The following APLF variants were observed in gnomAD, a reference collection of about 807,000 sequenced individuals.
The protein encoded by APLF is aprataxin and PNK-like factor.
In APLF, 61 loss-of-function variants were observed where a neutral mutation model predicts 55.6. The observed-to-expected ratio is 1.10, with a 90% confidence interval of 0.89 to 1.36. The LOEUF (loss-of-function observed/expected upper bound fraction) is 1.36. Ranked by LOEUF, APLF falls within the 40% of genes most tolerant of loss-of-function variation. APLF has a pLI of 0.00. For synonymous variants in APLF, 207 were observed against 214.8 expected (o/e 0.96, Z 0.32); for missense variants, 611 against 602.5 (o/e 1.01, Z -0.15).
chr2:68,577,737 A>C, intron 9 of APLF, 83 bp from the exon 10 acceptor site: 2 of 1,514,880 alleles, frequency 1.3e-6, no homozygotes, highest in Non-Finnish European at 1.8e-6. Context: ...CTCTGGATGC[A>C]GAAAGACATT....
chr2:68,514,901 T>C (rs1375700719), intron 5 of APLF, among the ~76,000 whole-genome samples: 3 of 151,902 alleles, frequency 2.0e-5, no homozygotes. Flanking sequence ...TTCCTGAATT[T>C]ACAATGATTT....
At chr2:68,551,899 T>C (rs1413719048) in intron 8 of APLF, among the ~76,000 whole-genome samples, 1 of 152,124 alleles carries the variant, frequency 6.6e-6, no homozygotes, top group East Asian at 1.9e-4. Context: ...CCACCTCTAC[T>C]TGGCAGGTAG....
intron 1 of APLF, among the ~76,000 whole-genome samples, chr2:68,472,338 A>G (rs1223393497): frequency 6.6e-6 from 1 of 152,224 alleles, no homozygotes; most frequent in African/African-American, 2.4e-5. Flanking sequence ...GTTCCAAGGT[A>G]TGGCAAAGAA....
intron 8 of APLF, among the ~76,000 whole-genome samples, chr2:68,550,890 TA>T (rs1369678102): frequency 6.6e-6 from 1 of 152,202 alleles, no homozygotes; most frequent in African/African-American, 2.4e-5. Context: ...AATTATTGTT[TA>T]AAAATTGTTT....
intron 2 of APLF, among the ~76,000 whole-genome samples, chr2:68,496,504 G>A (rs13400155): frequency 0.24 from 36,060 of 152,102 alleles, 6,837 homozygotes; most frequent in African/African-American, 0.53. Flanking sequence ...TCTCTGCCAC[G>A]TGGCTAGGCT....
intron 2 of APLF, among the ~76,000 whole-genome samples, chr2:68,500,424 A>G (rs902915870): frequency 2.0e-5 from 3 of 152,208 alleles, no homozygotes; most frequent in African/African-American, 7.2e-5. Flanking sequence ...AAACATACTC[A>G]AACAGAATAT....
chr2:68,543,444 A>C (rs1670613438), intron 7 of APLF, among the ~76,000 whole-genome samples: 1 of 152,132 alleles, frequency 6.6e-6, no homozygotes, highest in Non-Finnish European at 1.5e-5. Context: ...CAAAAAAGAA[A>C]CCTAACAGTG....
intron 9 of APLF, among the ~76,000 whole-genome samples, chr2:68,572,537 G>A (rs1573281891): frequency 6.6e-6 from 1 of 152,288 alleles, no homozygotes; most frequent in African/African-American, 2.4e-5. Context: ...AAAAACTTTG[G>A]TAAAAATCTG....
At chr2:68,484,945 T>G (rs2103896798) in intron 1 of APLF, among the ~76,000 whole-genome samples, 1 of 151,730 alleles carries the variant, frequency 6.6e-6, no homozygotes, top group East Asian at 1.9e-4. Flanking sequence ...AAGGTATTGA[T>G]TTTTCTTCTG....
At position 68,477,568 on chromosome 2, in the gene APLF, A is replaced by G. The variant is rs976897524; in HGVS notation, c.96+9741A>G. Among the ~76,000 whole-genome samples the G allele has an allele frequency of 1.2e-4, 18 of 152,294 alleles. No individual in the cohort carries two copies. In the East Asian group the frequency reaches 2.9e-3, roughly 24 times the overall value. Reference sequence around the variant, plus strand: ...GGTGGGAACCTCACTTGAGCCTGGGAGATTGAGGCAGCAGTGAGCCATGAC... The same window carrying G: ...GGTGGGAACCTCACTTGAGCCTGGGGGATTGAGGCAGCAGTGAGCCATGAC... On this transcript the variant is annotated intron_variant, in intron 1 of 9. Transcript: ENST00000303795.
chr2:68,481,360 C>CAGTTT (rs1675950334), intron 1 of APLF, among the ~76,000 whole-genome samples: 1 of 38,340 alleles, frequency 2.6e-5, no homozygotes, highest in South Asian at 1.2e-3. Context: ...TCTGGGCTGG[C>CAGTTT]AGTTTTGTTT....
intron 8 of APLF, among the ~76,000 whole-genome samples, chr2:68,560,109 G>A (rs1015512948): frequency 2.6e-5 from 4 of 151,942 alleles, no homozygotes; most frequent in Admixed American, 1.3e-4. Flanking sequence ...CAGAAATGCC[G>A]TCTCTGACCT....
chr2:68,484,262 G>T (rs1676058071), intron 1 of APLF, among the ~76,000 whole-genome samples: 1 of 152,110 alleles, frequency 6.6e-6, no homozygotes, highest in African/African-American at 2.4e-5. Context: ...GGACCTGTAT[G>T]TATATTATAG....
At chr2:68,531,404 T>C (rs1378104491) in intron 6 of APLF, 1 of 152,158 alleles carries the variant, frequency 6.6e-6, no homozygotes, top group Non-Finnish European at 1.5e-5. Context: ...ACCGAAATGA[T>C]TGAAATGCCA....
At chr2:68,534,741 T>A (rs1179675862) in intron 6 of APLF, among the ~76,000 whole-genome samples, 1 of 152,156 alleles carries the variant, frequency 6.6e-6, no homozygotes, top group East Asian at 1.9e-4. Flanking sequence ...AAATAAGCAA[T>A]GTGGGATGCT....
chr2:68,577,610 C>A (rs984543703), intron 9 of APLF, among the ~76,000 whole-genome samples: 1 of 152,042 alleles, frequency 6.6e-6, no homozygotes, highest in African/African-American at 2.4e-5. Flanking sequence ...TCTCATGGGT[C>A]ATTTTAGTTT....
chr2:68,476,640 T>C (rs1675784468), intron 1 of APLF, among the ~76,000 whole-genome samples: 1 of 152,026 alleles, frequency 6.6e-6, no homozygotes, highest in Non-Finnish European at 1.5e-5. Context: ...TTTTATTCAG[T>C]GTATATATTG....
At chr2:68,523,196 A>G (rs1175202164) in intron 5 of APLF, among the ~76,000 whole-genome samples, 2 of 152,158 alleles carry the variant, frequency 1.3e-5, no homozygotes, top group African/African-American at 2.4e-5. Context: ...CTACAGAATA[A>G]TAAATACGCA....
At chr2:68,525,994 T>C in intron 5 of APLF, 67 bp from the exon 6 acceptor site, 2 of 1,436,428 alleles carry the variant, frequency 1.4e-6, no homozygotes, top group Admixed American at 2.5e-5. Context: ...TTTTCTTTTT[T>C]TGATATGGAT....
Sources: gnomAD v4.1 joint callset for allele counts (sites outside exome capture counted in the v4.1 genomes callset) on GRCh38, gnomAD v4.1.1 for gene constraint, MANE v1.5 for transcripts, NCBI Gene and HGNC (gene_info 2026-07-23, HGNC 2026-07-21) for gene names.